ITGA1: variants seen among roughly 807,000 people sequenced by gnomAD.
ITGA1 encodes integrin subunit alpha 1.
ITGA1 carries 85 observed loss-of-function variants against 145.9 expected under a neutral mutation model. The ratio of observed to expected loss-of-function variants is 0.58; its 90% confidence interval spans 0.49 to 0.70. ITGA1 has a LOEUF of 0.70. Among genes scored for constraint, ITGA1 ranks in the 30% least tolerant of loss-of-function variants. ITGA1 has a pLI of 0.00. For missense variants in ITGA1, 1,351 were observed against 1,418.7 expected (o/e 0.95, Z 0.77); for synonymous variants, 520 against 495.3 (o/e 1.05, Z -0.66).
At chr5:52,930,967 G>A (rs888649620) in intron 21 of ITGA1, among the ~76,000 whole-genome samples, 4 of 152,148 alleles carry the variant, frequency 2.6e-5, no homozygotes, top group African/African-American at 9.6e-5. Context: ...AGTGTGGAAT[G>A]GGTGAGAGAA....
At chr5:52,892,962 C>T (rs749912235) in intron 8 of ITGA1, among the ~76,000 whole-genome samples, 51 of 151,726 alleles carry the variant, frequency 3.4e-4, no homozygotes, top group Non-Finnish European at 5.6e-4. Flanking sequence ...TACATCTAAA[C>T]AGGGTGAATT....
intron 1 of ITGA1, chr5:52,801,601 G>A: frequency 3.1e-6 from 5 of 1,614,082 alleles, no homozygotes; most frequent in Non-Finnish European, 4.2e-6. Flanking sequence ...TGAAGCCATG[G>A]CAATTGACAC....
intron 20 of ITGA1, among the ~76,000 whole-genome samples, chr5:52,928,711 C>T (rs193225913): frequency 6.6e-6 from 1 of 152,208 alleles, no homozygotes; most frequent in East Asian, 1.9e-4. Context: ...CAGGCAACAC[C>T]TTATTCTGTA....
Position 52,893,676 on chromosome 5 carries a change from T to C in ITGA1, c.926T>C (p.Ile309Thr). The C allele has an allele frequency of 6.2e-7, 1 of 1,610,452 alleles. No homozygotes were observed. Among genetic ancestry groups the C allele is most frequent in the Non-Finnish European group, 8.5e-7 (1 of 1,178,204 alleles). ...DENIQRFSIA[I>T]LGSYNRGNLS... ...CTTGCTGTTTCTGTTGTGTCTTAGATTCTTGGCAGCTATAACCGAGGAAAT... is the reference window on the plus strand; with the variant it reads ...CTTGCTGTTTCTGTTGTGTCTTAGACTCTTGGCAGCTATAACCGAGGAAAT... The change falls in exon 9 of 29, where the codon ATT becomes ACT. Residue 309 changes from isoleucine (I) to threonine (T), a missense_variant and splice_region_variant. By Grantham distance (89) the Ile-to-Thr change is moderately conservative (BLOSUM62 -1). Transcript: ENST00000282588.
At chr5:52,891,885 GAACATTTTTATA>G (rs1750157352) in intron 8 of ITGA1, among the ~76,000 whole-genome samples, 1 of 151,528 alleles carries the variant, frequency 6.6e-6, no homozygotes. Context: ...TCATTATCTT[GAACATTTTTATA>G]TTAAAAACAG....
At position 52,817,894 on chromosome 5, in the gene ITGA1, T is replaced by C. The variant is rs187608331; in HGVS notation, c.61+29480T>C. ...GAAGAGTCAGAGATAATAAAGTTTT[T>C]AGCTTTTGCTGGCCACACAAGCTCT... On this transcript the variant is annotated intron_variant, in intron 1 of 28. Transcript: ENST00000282588. Among the ~76,000 whole-genome samples the C allele has an allele frequency of 9.2e-5, 14 of 152,342 alleles. 1 individual carries two copies. Among genetic ancestry groups the C allele is most frequent in the Admixed American group, 7.8e-4 (12 of 15,302 alleles).
chr5:52,796,778 A>T (rs1193820988), intron 1 of ITGA1, among the ~76,000 whole-genome samples: 1 of 152,110 alleles, frequency 6.6e-6, no homozygotes, highest in Non-Finnish European at 1.5e-5. Flanking sequence ...CAAAAAAGAT[A>T]CATGTTTAAA....
intron 21 of ITGA1, 162 bp from the exon 22 acceptor site, chr5:52,931,885 C>G: frequency 1.9e-6 from 1 of 527,652 alleles, no homozygotes; most frequent in Admixed American, 3.6e-5. Flanking sequence ...TACCAATCAT[C>G]TCTGATCTCC....
chr5:52,909,112 C>T (rs1000241024), intron 13 of ITGA1, 71 bp downstream of exon 13: 1 of 1,486,388 alleles, frequency 6.7e-7, no homozygotes, highest in Non-Finnish European at 9.1e-7. Flanking sequence ...ATAATAAATT[C>T]CAATTTTTCA....
intron 11 of ITGA1, among the ~76,000 whole-genome samples, chr5:52,900,828 T>C (rs1229196119): frequency 6.6e-6 from 1 of 152,208 alleles, no homozygotes; most frequent in African/African-American, 2.4e-5. Context: ...AAGTAATGAC[T>C]ATATTTAGTA....
chr5:52,876,570 T>C (rs1749870972), intron 6 of ITGA1, among the ~76,000 whole-genome samples: 1 of 152,164 alleles, frequency 6.6e-6, no homozygotes. Flanking sequence ...TTTTTCTGCT[T>C]ATCATTATTT....
At chr5:52,840,445 C>A (rs1174590810) in intron 1 of ITGA1, among the ~76,000 whole-genome samples, 1 of 152,146 alleles carries the variant, frequency 6.6e-6, no homozygotes, top group Admixed American at 6.5e-5. Flanking sequence ...AGTTGTGTTT[C>A]CCACAGTGGG....
intron 1 of ITGA1, among the ~76,000 whole-genome samples, chr5:52,816,708 T>C (rs1748781255): frequency 6.6e-6 from 1 of 152,118 alleles, no homozygotes; most frequent in South Asian, 2.1e-4. Context: ...TCAGGGCCCA[T>C]TGCCTGGCAC....
chr5:52,842,085 TGTAATAGACTTGCAACCCTTAAAATAG>T (rs1749262838), intron 1 of ITGA1, among the ~76,000 whole-genome samples: 1 of 152,186 alleles, frequency 6.6e-6, no homozygotes, highest in South Asian at 2.1e-4. Flanking sequence ...ACCCTGTCCT[TGTAATAGACTTGCAACCCTTAAAATAG>T]GTTAGAGGGG....
intron 1 of ITGA1, 99 bp from the exon 2 acceptor site, chr5:52,849,266 A>T: frequency 3.0e-6 from 3 of 1,015,880 alleles, no homozygotes; most frequent in Non-Finnish European, 4.1e-6. Flanking sequence ...TTTAATAGAA[A>T]CAGCTTTCGA....
At chr5:52,882,134 TG>T in intron 7 of ITGA1, 113 bp downstream of exon 7, 1 of 878,172 alleles carries the variant, frequency 1.1e-6, no homozygotes, top group Non-Finnish European at 1.6e-6. Flanking sequence ...AAAGCCATTT[TG>T]TTTAAAATGA....
chr5:52,792,491 C>T (rs565335949), intron 1 of ITGA1, among the ~76,000 whole-genome samples: 28 of 152,146 alleles, frequency 1.8e-4, no homozygotes, highest in Non-Finnish European at 3.2e-4. Context: ...TTAACTATTT[C>T]TCTTCCCTCC....
At chr5:52,854,377 C>G (rs1749475332) in intron 2 of ITGA1, among the ~76,000 whole-genome samples, 1 of 152,160 alleles carries the variant, frequency 6.6e-6, no homozygotes, top group African/African-American at 2.4e-5. Context: ...TACATTGCTT[C>G]TAACGCCTTT....
rs771013704 is a variant in ITGA1 at position 52,952,604 on chromosome 5, T to C, written c.*153T>C. Reference sequence around the variant, plus strand: ...TACTTGGAAAATGACAGGTCATGCATTATCCAAAAACAATACCAAAAAGAC... The same window carrying C: ...TACTTGGAAAATGACAGGTCATGCACTATCCAAAAACAATACCAAAAAGAC... On this transcript the variant is annotated 3_prime_UTR_variant, in exon 29 of 29. Transcript: ENST00000282588. The C allele has an allele frequency of 8.3e-6, 3 of 362,100 alleles. No homozygotes were observed. The highest frequency in any genetic ancestry group is 1.6e-5 in the Non-Finnish European group (3 of 192,408). The allele number at this position is 362,100 out of a possible 1,614,324, so 22.4% of individuals were successfully genotyped here.
Sources: gnomAD v4.1 joint callset for allele counts (sites outside exome capture counted in the v4.1 genomes callset) on GRCh38, gnomAD v4.1.1 for gene constraint, MANE v1.5 for transcripts, NCBI Gene and HGNC (gene_info 2026-07-23, HGNC 2026-07-21) for gene names.